Variants in COL25A1 observed in about 807,000 individuals in gnomAD.
COL25A1 encodes the protein collagen type XXV alpha 1 chain.
COL25A1 carries 103 observed loss-of-function variants against 128.4 expected under a neutral mutation model. The observed-to-expected ratio is 0.80, with a 90% confidence interval of 0.68 to 0.94. The LOEUF (loss-of-function observed/expected upper bound fraction) is 0.94, where lower values mean the gene tolerates loss of function less well. Among genes scored for constraint, COL25A1 ranks in the 40% least tolerant of loss-of-function variants. COL25A1 has a pLI of 0.00. For missense variants in COL25A1, 745 were observed against 840.0 expected, an observed-to-expected ratio of 0.89 and a Z score of 1.40; for synonymous variants, 279 against 277.2, an observed-to-expected ratio of 1.01 and a Z score of -0.06.
intron 3 of COL25A1, among the ~76,000 whole-genome samples, chr4:109,076,453 G>A (rs1763384128): frequency 6.6e-6 from 1 of 152,028 alleles, no homozygotes; most frequent in South Asian, 2.1e-4. Context: ...GTGTTCTGCT[G>A]ATTCCTGAGA....
rs549542786 is a variant in COL25A1 at position 109,201,663 on chromosome 4, A to G, written c.367+98920T>C. Among the ~76,000 whole-genome samples the G allele has an allele frequency of 8.5e-5, 13 of 152,322 alleles. No individual in the cohort carries two copies. The East Asian group carries it at 2.1e-3, about 25-fold the overall frequency. On this transcript the variant is annotated intron_variant, in intron 3 of 37. Transcript: ENST00000399132. ...ATACAATAAGACAAGGAAAGGATAT[A>G]AGAGGCATATAGACTGGGAAGGAAA...
In COL25A1 at chr4:109,231,257, A is replaced by G. The variant is rs969671523; in HGVS notation, c.367+69326T>C. On this transcript the variant is annotated intron_variant, in intron 3 of 37. Coordinates refer to ENST00000399132, the MANE Select transcript of COL25A1 (RefSeq NM_198721.4). ...TACAATATAATTGTGACTCATAACAATTGTTATTACATTCCAGTATTCCAA... is the reference window on the plus strand; with the variant it reads ...TACAATATAATTGTGACTCATAACAGTTGTTATTACATTCCAGTATTCCAA... 7.2e-5 allele frequency among the ~76,000 whole-genome samples: 11 copies of G among 152,202 alleles called. No individual in the cohort carries two copies. The East Asian group carries it at 1.2e-3, about 16-fold the overall frequency.
At chr4:109,277,013 T>C (rs1365266656) in intron 3 of COL25A1, among the ~76,000 whole-genome samples, 4 of 152,312 alleles carry the variant, frequency 2.6e-5, no homozygotes, top group Middle Eastern at 3.4e-3. Context: ...AAATTTTAGA[T>C]GCTTTCATAT....
intron 3 of COL25A1, among the ~76,000 whole-genome samples, chr4:109,237,248 C>T (rs553580386): frequency 1.3e-5 from 2 of 151,936 alleles, no homozygotes; most frequent in African/African-American, 2.4e-5. Flanking sequence ...GTGATCTTCA[C>T]GTTACAAAAA....
rs529600036 is a variant in COL25A1, at chr4:109,247,415, A to G, written c.367+53168T>C. On this transcript the variant is annotated intron_variant, in intron 3 of 37. Coordinates refer to ENST00000399132, the MANE Select transcript of COL25A1 (RefSeq NM_198721.4). ...GCCCATCGTGGAAGGCTTGAATGTC[A>G]GGTAAGGAAAAGTGAAAGAAAAGAA... Among the ~76,000 whole-genome samples, 127 of 152,310 alleles carry G rather than the reference A, an allele frequency of 8.3e-4. 2 individuals are homozygous for G. In the South Asian group the frequency reaches 0.024, roughly 29 times the overall value.
chr4:109,021,046 C>T (rs780204508), intron 5 of COL25A1, among the ~76,000 whole-genome samples: 1 of 152,188 alleles, frequency 6.6e-6, no homozygotes, highest in Non-Finnish European at 1.5e-5. Context: ...GGGCAGCAGC[C>T]GCATGCCGCA....
intron 8 of COL25A1, among the ~76,000 whole-genome samples, chr4:108,970,121 C>T (rs181847861): frequency 1.6e-4 from 24 of 152,252 alleles, no homozygotes; most frequent in Admixed American, 9.2e-4. Flanking sequence ...AGGCTGGTCT[C>T]GAACTCCTGA....
intron 6 of COL25A1, among the ~76,000 whole-genome samples, chr4:109,004,853 G>GT (rs1194136633): frequency 6.6e-6 from 1 of 152,142 alleles, no homozygotes; most frequent in Non-Finnish European, 1.5e-5. Context: ...CCAGTTTCAT[G>GT]TATTTATTTA....
At chr4:109,020,679 T>C (rs1214545939) in intron 5 of COL25A1, among the ~76,000 whole-genome samples, 1 of 152,218 alleles carries the variant, frequency 6.6e-6, no homozygotes, top group African/African-American at 2.4e-5. Flanking sequence ...CAATACCATA[T>C]TTATTTTTTC....
chr4:108,965,538 C>A (rs1751197765), intron 8 of COL25A1, among the ~76,000 whole-genome samples: 1 of 152,166 alleles, frequency 6.6e-6, no homozygotes, highest in African/African-American at 2.4e-5. Flanking sequence ...AACATTACAA[C>A]AGCTTTGCTT....
At chr4:109,072,195 T>A (rs1467459730) in intron 3 of COL25A1, among the ~76,000 whole-genome samples, 1 of 152,230 alleles carries the variant, frequency 6.6e-6, no homozygotes, top group African/African-American at 2.4e-5. Flanking sequence ...TAATTCATAA[T>A]GACTATTATG....
chr4:108,983,883 T>C (rs565551165), intron 6 of COL25A1, among the ~76,000 whole-genome samples: 6 of 152,220 alleles, frequency 3.9e-5, no homozygotes, highest in East Asian at 3.9e-4. Context: ...GCAGGATTTA[T>C]TGCAAAGAGC....
chr4:109,092,149 G>A (rs992606559), intron 3 of COL25A1, among the ~76,000 whole-genome samples: 4 of 152,084 alleles, frequency 2.6e-5, no homozygotes, highest in Non-Finnish European at 4.4e-5. Context: ...TAAGACAAGG[G>A]CCACTACCAC....
At chr4:109,095,613 G>A (rs1008206767) in intron 3 of COL25A1, among the ~76,000 whole-genome samples, 2 of 152,194 alleles carry the variant, frequency 1.3e-5, no homozygotes, top group African/African-American at 4.8e-5. Context: ...CAACTCATTT[G>A]TCCCCTGGGA....
intron 6 of COL25A1, among the ~76,000 whole-genome samples, chr4:108,988,889 C>G (rs1175299803): frequency 6.6e-6 from 1 of 152,160 alleles, no homozygotes; most frequent in Non-Finnish European, 1.5e-5. Context: ...TTCTGCAATT[C>G]ATAATTAACC....
chr4:108,832,569 CTTGA>C (rs1733265162), intron 31 of COL25A1, 136 bp from the exon 32 acceptor site: 2 of 597,094 alleles, frequency 3.3e-6, no homozygotes, highest in Admixed American at 6.8e-5. Flanking sequence ...GTGCTTTATG[CTTGA>C]TTATTTCAGG....
At chr4:108,990,227 AAAAAAAAAAAAAATATATATAT>A (rs1177118407) in intron 6 of COL25A1, among the ~76,000 whole-genome samples, 30 of 70,426 alleles carry the variant, frequency 4.3e-4, no homozygotes, top group East Asian at 2.4e-3. Context: ...AAAAAAAAAA[AAAAAAAAAAAAAATATATATAT>A]ATATATATAT....
chr4:109,075,267 T>G (rs1763283485), intron 3 of COL25A1, among the ~76,000 whole-genome samples: 1 of 152,232 alleles, frequency 6.6e-6, no homozygotes. Context: ...AATTTTCAAG[T>G]GATATGTAGG....
chr4:109,235,695 T>C (rs1253745970), intron 3 of COL25A1, among the ~76,000 whole-genome samples: 2 of 152,040 alleles, frequency 1.3e-5, no homozygotes, highest in East Asian at 3.9e-4. Context: ...GAGGAAAGAA[T>C]TCATCCAGTA....
Sources: allele counts gnomAD v4.1 joint callset (sites outside exome capture counted in the v4.1 genomes callset), GRCh38; gene constraint gnomAD v4.1.1; transcripts MANE v1.5; gene names NCBI Gene and HGNC (gene_info 2026-07-23, HGNC 2026-07-21).